R3HDM1: variants seen among roughly 807,000 people sequenced by gnomAD.
The protein encoded by R3HDM1 is R3H domain-containing protein 1.
A neutral mutation model predicts 141.1 loss-of-function variants in R3HDM1; 46 were observed. The observed-to-expected ratio is 0.33, with a 90% CI of 0.26 to 0.42. The LOEUF (loss-of-function observed/expected upper bound fraction) is 0.42. R3HDM1 is among the 10% of genes least tolerant of loss of function. The pLI, the probability that R3HDM1 is intolerant of heterozygous loss-of-function variation, is 1.00. For missense variants in R3HDM1, 1,184 were observed against 1,368.3 expected (o/e 0.87, Z 2.12); for synonymous variants, 435 against 472.9 (o/e 0.92, Z 1.04).
At chr2:135,588,504 T>C (rs1010840512) in intron 1 of R3HDM1, among the ~76,000 whole-genome samples, 3 of 152,194 alleles carry the variant, frequency 2.0e-5, no homozygotes, top group Non-Finnish European at 4.4e-5. Context: ...CACTTAAATT[T>C]AAATTTTTTG....
chr2:135,648,788 A>C (rs1038091179), intron 16 of R3HDM1, among the ~76,000 whole-genome samples: 2 of 151,788 alleles, frequency 1.3e-5, no homozygotes, highest in South Asian at 2.1e-4. Context: ...AAAAAAAAAA[A>C]AAAAACACCT....
Position 135,711,449 on chromosome 2 carries a change from C to T in R3HDM1, c.2736+1218C>T, listed in dbSNP as rs962402990. Among the ~76,000 whole-genome samples the T allele has an allele frequency of 3.3e-5, 5 of 151,762 alleles. No homozygotes were observed. In the South Asian group the frequency reaches 8.3e-4, roughly 25 times the overall value. On this transcript the variant is annotated intron_variant, in intron 23 of 26. Transcript: ENST00000683871. The stretch of plus-strand genomic sequence containing the variant: ...TTGGGAAGCTAAGGCAGACCTGGAA[C>T]GCAGGAGTTCGAGACCAGCCTGGGT...
chr2:135,597,198 T>C lies in R3HDM1; in HGVS notation c.-249-5302T>C. 4 of 972,704 alleles carry C rather than the reference T, an allele frequency of 4.1e-6. No homozygotes were observed. In the South Asian group the frequency reaches 1.9e-4, roughly 46 times the overall value. 60.3% of individuals were successfully genotyped at this position (972,704 alleles called of 1,614,324 possible). ...TTATAATGTCCTCCTAAAATTATTA[T>C]TTATATTTGTTGGTAAGTGTCATCA... On this transcript the variant is annotated intron_variant, in intron 1 of 26. Transcript: ENST00000683871.
chr2:135,565,106 G>T (rs6759321), intron 1 of R3HDM1, among the ~76,000 whole-genome samples: 87,813 of 151,850 alleles, frequency 0.58, 30,913 homozygotes, highest in East Asian at 1. Context: ...AACAACACTT[G>T]GATGTATGCT....
chr2:135,566,789 C>T, intron 1 of R3HDM1: 1 of 984,422 alleles, frequency 1.0e-6, no homozygotes, highest in Non-Finnish European at 1.2e-6. Flanking sequence ...CGCCTGTAAT[C>T]ATGGTGAAAC....
Position 135,722,019 on chromosome 2 carries a change from ACTAACCTC to A in R3HDM1, c.2964+17_2964+24del. 6.2e-7 allele frequency: 1 copy of A among 1,603,354 alleles called. No individual in the cohort carries two copies. Among genetic ancestry groups the A allele is most frequent in the Non-Finnish European group, 8.5e-7 (1 of 1,170,202 alleles). On this transcript the variant is annotated intron_variant, in intron 25 of 26. Coordinates refer to ENST00000683871, the MANE Select transcript of R3HDM1 (RefSeq NM_001378107.1). ...TCCAAACCAACAGGTAGGAAAGACA[ACTAACCTC>A]CTAGGCTTTGTTGCAGAACATCATA...
chr2:135,631,041 AT>A (rs2062659937), intron 7 of R3HDM1, among the ~76,000 whole-genome samples: 1 of 152,142 alleles, frequency 6.6e-6, no homozygotes, highest in Admixed American at 6.6e-5. Flanking sequence ...TTATGGGAAA[AT>A]TTAAAAATAT....
At position 135,542,438 on chromosome 2, in the gene R3HDM1, G is replaced by GT. The variant is rs1456845627; in HGVS notation, c.-250+10812dup. Reference sequence around the variant, plus strand: ...TTTTTGTTTTCACTTTGTATACCTTGTTTTTTTCTAAATGTCAGTTCTTTT... The same window carrying GT: ...TTTTTGTTTTCACTTTGTATACCTTGTTTTTTTTCTAAATGTCAGTTCTTTT... On this transcript the variant is annotated intron_variant, in intron 1 of 26. Coordinates refer to ENST00000683871, the MANE Select transcript of R3HDM1 (RefSeq NM_001378107.1). Among the ~76,000 whole-genome samples, 12 of 152,074 alleles carry GT rather than the reference G, an allele frequency of 7.9e-5. No homozygotes were observed. In the East Asian group the frequency reaches 2.3e-3, roughly 29 times the overall value.
intron 1 of R3HDM1, among the ~76,000 whole-genome samples, chr2:135,540,173 G>A (rs945263393): frequency 6.6e-6 from 1 of 152,162 alleles, no homozygotes; most frequent in Non-Finnish European, 1.5e-5. Context: ...CCGTAATCAT[G>A]AACAAATAAT....
chr2:135,686,549 A>C (rs1396512111), intron 21 of R3HDM1, among the ~76,000 whole-genome samples: 2 of 152,190 alleles, frequency 1.3e-5, no homozygotes, highest in African/African-American at 4.8e-5. Context: ...CAGCCTGAGC[A>C]ACACAGGGAG....
intron 1 of R3HDM1, chr2:135,583,669 C>T (rs531615802): frequency 1.1e-6 from 1 of 909,494 alleles, no homozygotes; most frequent in Admixed American, 6.2e-5. Context: ...TGGCCCTTGG[C>T]TATAGTAATC....
chr2:135,722,542 C>T lies in R3HDM1; in HGVS notation c.3038C>T (p.Ala1013Val), dbSNP rs115519111. 1.0e-3 allele frequency: 1,677 copies of T among 1,612,620 alleles called. 10 individuals carry two copies. Among genetic ancestry groups the T allele is most frequent in the African/African-American group, 6.7e-3 (504 of 74,826 alleles). The change falls in exon 26 of 27, where the codon GCA (alanine) becomes GTA (valine). Residue 1013 changes from alanine to valine, a missense_variant. By Grantham distance (64) the Ala-to-Val change is moderately conservative. Transcript: ENST00000683871. ...AKKAASTDLG[A>V]GETVVGKVLE... ...AAAGCTGCATCCACAGACCTTGGAG[C>T]AGGAGAAACAGGTATGTCTCTGAGG...
intron 1 of R3HDM1, among the ~76,000 whole-genome samples, chr2:135,542,303 T>G (rs1003082238): frequency 1.1e-4 from 17 of 152,238 alleles, no homozygotes; most frequent in Admixed American, 1.3e-4. Flanking sequence ...CTCTGCAAAA[T>G]AACATTCATA....
intron 25 of R3HDM1, 145 bp from the exon 26 acceptor site, chr2:135,722,324 C>A: frequency 1.3e-6 from 1 of 790,844 alleles, no homozygotes; most frequent in Non-Finnish European, 2.0e-6. Flanking sequence ...CTGCCACAGG[C>A]AGAATCCAGA....
intron 1 of R3HDM1, among the ~76,000 whole-genome samples, chr2:135,534,426 C>T (rs901472003): frequency 1.3e-5 from 2 of 152,320 alleles, no homozygotes; most frequent in Non-Finnish European, 2.9e-5. Flanking sequence ...TATTTATCAA[C>T]ACTTGAGTGT....
At chr2:135,557,869 T>C (rs1388807870) in intron 1 of R3HDM1, among the ~76,000 whole-genome samples, 5 of 152,144 alleles carry the variant, frequency 3.3e-5, no homozygotes, top group Admixed American at 6.6e-5. Flanking sequence ...TAATAGAGGC[T>C]AGTAAGTGTA....
chr2:135,608,799 T>C (rs74612993), intron 3 of R3HDM1, among the ~76,000 whole-genome samples: 1 of 152,206 alleles, frequency 6.6e-6, no homozygotes, highest in Non-Finnish European at 1.5e-5. Context: ...ACTATTATTT[T>C]TTCTAATAGA....
Position 135,682,178 on chromosome 2 carries a change from A to G in R3HDM1, c.2459+1854A>G, listed in dbSNP as rs142828424. Among the ~76,000 whole-genome samples the G allele has an allele frequency of 9.2e-3, 1,401 of 151,528 alleles. 18 individuals are homozygous for G. The highest frequency in any genetic ancestry group is 0.012 in the Non-Finnish European group (839 of 67,948). The stretch of plus-strand genomic sequence containing the variant: ...TGATGATTTATCTACTTTTTGAACC[A>G]AAGTTTAATTTTTTATTTACCAGAG... On this transcript the variant is annotated intron_variant, in intron 21 of 26. Coordinates refer to ENST00000683871, the MANE Select transcript of R3HDM1 (RefSeq NM_001378107.1).
intron 1 of R3HDM1, among the ~76,000 whole-genome samples, chr2:135,588,526 A>T (rs184327436): frequency 4.8e-4 from 73 of 152,294 alleles, no homozygotes; most frequent in African/African-American, 1.7e-3. Context: ...TGAATTAATA[A>T]ACCATTAGAT....
Sources: allele counts gnomAD v4.1 joint callset (sites outside exome capture counted in the v4.1 genomes callset), GRCh38; gene constraint gnomAD v4.1.1; transcripts MANE v1.5; gene names NCBI Gene and HGNC (gene_info 2026-07-23, HGNC 2026-07-21).